Variants in STRN observed in about 807,000 individuals in gnomAD.
STRN encodes striatin.
STRN carries 53 observed loss-of-function variants against 96.3 expected under a neutral mutation model. That is an observed-to-expected ratio of 0.55 (90% CI 0.44 to 0.69). STRN has a LOEUF of 0.69. STRN is among the 30% of genes least tolerant of loss of function. STRN has a pLI of 0.00. For missense variants in STRN, 987 were observed against 963.9 expected, an observed-to-expected ratio of 1.02 and a Z score of -0.32; for synonymous variants, 428 against 355.9, an observed-to-expected ratio of 1.20 and a Z score of -2.28.
At chr2:36,908,720 T>C (rs1214715947) in intron 3 of STRN, among the ~76,000 whole-genome samples, 2 of 152,174 alleles carry the variant, frequency 1.3e-5, no homozygotes, top group Non-Finnish European at 2.9e-5. Flanking sequence ...ATGCCTGTAA[T>C]ACCAGCACTT....
At chr2:36,900,157 A>G (rs1016740970) in intron 5 of STRN, among the ~76,000 whole-genome samples, 2 of 152,030 alleles carry the variant, frequency 1.3e-5, no homozygotes, top group African/African-American at 4.8e-5. Flanking sequence ...AGCCTCCCAA[A>G]GTGCTGGGAT....
intron 3 of STRN, among the ~76,000 whole-genome samples, chr2:36,907,535 AAG>A (rs1238323814): frequency 2.6e-5 from 4 of 152,262 alleles, no homozygotes; most frequent in African/African-American, 9.6e-5. Flanking sequence ...GTGACAGAGC[AAG>A]ACTCTGTCTC....
chr2:36,917,997 A>G (rs775595492), intron 2 of STRN, among the ~76,000 whole-genome samples: 18 of 152,190 alleles, frequency 1.2e-4, no homozygotes, highest in Non-Finnish European at 2.6e-4. Context: ...ATATCAGTTG[A>G]TAAGATTTCC....
At chr2:36,896,497 T>C (rs537198584) in intron 6 of STRN, among the ~76,000 whole-genome samples, 2 of 152,286 alleles carry the variant, frequency 1.3e-5, no homozygotes, top group East Asian at 1.9e-4. Context: ...CTTCCTGACA[T>C]AGAAGGTTCC....
chr2:36,948,081 C>CTTTT lies in STRN; in HGVS notation c.234+18145_234+18148dup, dbSNP rs553351693. On this transcript the variant is annotated intron_variant, in intron 1 of 17. Transcript: ENST00000263918. ...TCTCCTCTATAATTATCAGTGCACT[C>CTTTT]TTTTTTTTTTTTTTTTTTTTTTTTT... Among the ~76,000 whole-genome samples the CTTTT allele has an allele frequency of 7.6e-4, 52 of 68,138 alleles. 7 individuals are homozygous for CTTTT. The highest frequency in any genetic ancestry group is 9.3e-4 in the Non-Finnish European group (35 of 37,822). 44.7% of individuals were successfully genotyped at this position (68,138 alleles called of 152,430 possible).
chr2:36,869,476 G>T, intron 11 of STRN, 78 bp downstream of exon 11: 1 of 1,236,006 alleles, frequency 8.1e-7, no homozygotes, highest in Non-Finnish European at 1.1e-6. Context: ...AAATTTAACA[G>T]AAATCATAAA....
intron 10 of STRN, among the ~76,000 whole-genome samples, 179 bp from the exon 11 acceptor site, chr2:36,869,908 C>A (rs1668720881): frequency 6.6e-6 from 1 of 152,080 alleles, no homozygotes; most frequent in Admixed American, 6.6e-5. Context: ...AATAACCCAA[C>A]ACTAGTTTTC....
At chr2:36,939,788 A>G (rs1487641752) in intron 1 of STRN, among the ~76,000 whole-genome samples, 4 of 152,216 alleles carry the variant, frequency 2.6e-5, no homozygotes, top group African/African-American at 9.6e-5. Flanking sequence ...AAAAGTAAAT[A>G]AAACAGGTTT....
At chr2:36,853,094 T>C (rs920095417) in intron 15 of STRN, among the ~76,000 whole-genome samples, 1 of 151,946 alleles carries the variant, frequency 6.6e-6, no homozygotes, top group Non-Finnish European at 1.5e-5. Flanking sequence ...GAGGTGGAGG[T>C]TGCAGTAAGC....
intron 1 of STRN, among the ~76,000 whole-genome samples, chr2:36,930,898 T>G (rs1227902712): frequency 4.6e-5 from 7 of 151,838 alleles, no homozygotes; most frequent in Non-Finnish European, 8.8e-5. Flanking sequence ...TAGCCAGGTG[T>G]GGTGGCAAGC....
chr2:36,906,697 G>C (rs1023799918), intron 3 of STRN, among the ~76,000 whole-genome samples: 2 of 151,450 alleles, frequency 1.3e-5, no homozygotes, highest in Admixed American at 1.3e-4. Flanking sequence ...AGGCCGAAGC[G>C]GGTGGATCAC....
chr2:36,961,388 G>A (rs1206614604), intron 1 of STRN, among the ~76,000 whole-genome samples: 2 of 151,730 alleles, frequency 1.3e-5, no homozygotes, highest in Non-Finnish European at 2.9e-5. Context: ...AAAAGTACTG[G>A]GATTACAGGA....
chr2:36,938,484 T>C (rs1308706357), intron 1 of STRN, among the ~76,000 whole-genome samples: 1 of 152,072 alleles, frequency 6.6e-6, no homozygotes, highest in East Asian at 1.9e-4. Flanking sequence ...AAGGAAACCT[T>C]TTCAAGGGTA....
At chr2:36,901,788 T>A (rs1203656815) in intron 5 of STRN, among the ~76,000 whole-genome samples, 5 of 152,206 alleles carry the variant, frequency 3.3e-5, no homozygotes, top group African/African-American at 1.2e-4. Flanking sequence ...ACTTTGCTTA[T>A]AAAAGTCCTA....
intron 6 of STRN, among the ~76,000 whole-genome samples, chr2:36,896,784 T>C (rs1348126711): frequency 6.6e-6 from 1 of 152,184 alleles, no homozygotes; most frequent in African/African-American, 2.4e-5. Flanking sequence ...TTCACACAGT[T>C]TGAAACTGAT....
intron 1 of STRN, among the ~76,000 whole-genome samples, chr2:36,956,599 G>A (rs1421651421): frequency 6.6e-6 from 1 of 152,152 alleles, no homozygotes; most frequent in Non-Finnish European, 1.5e-5. Flanking sequence ...GTGGGCAAAG[G>A]GGACTCTATC....
chr2:36,943,133 T>C (rs531464927), intron 1 of STRN, among the ~76,000 whole-genome samples: 1 of 152,268 alleles, frequency 6.6e-6, no homozygotes, highest in East Asian at 1.9e-4. Context: ...TTCAGTAAAC[T>C]ATATTTTGAC....
chr2:36,864,378 T>G (rs1386458143), intron 12 of STRN, among the ~76,000 whole-genome samples: 1 of 152,238 alleles, frequency 6.6e-6, no homozygotes, highest in Non-Finnish European at 1.5e-5. Context: ...ATGCTGAATT[T>G]TATCGAAAGC....
intron 1 of STRN, among the ~76,000 whole-genome samples, chr2:36,962,744 C>A (rs1057146299): frequency 6.6e-6 from 1 of 152,120 alleles, no homozygotes; most frequent in African/African-American, 2.4e-5. Flanking sequence ...CTTGACCTCA[C>A]GATCCGCCTG....
Sources: gnomAD v4.1 joint callset for allele counts (sites outside exome capture counted in the v4.1 genomes callset) on GRCh38, gnomAD v4.1.1 for gene constraint, MANE v1.5 for transcripts, NCBI Gene and HGNC (gene_info 2026-07-23, HGNC 2026-07-21) for gene names.